FAM200A: variants seen among roughly 807,000 people sequenced by gnomAD.
FAM200A encodes ZBED8 like, also known as protein FAM200A.
FAM200A carries 26 observed loss-of-function variants against 44.2 expected under a neutral mutation model. The ratio of observed to expected loss-of-function variants is 0.59; its 90% CI spans 0.43 to 0.82. The LOEUF (loss-of-function observed/expected upper bound fraction) is 0.82, where lower values mean the gene tolerates loss of function less well. Among genes scored for constraint, FAM200A ranks in the 40% least tolerant of loss-of-function variants. The pLI is 0.00. For missense variants in FAM200A, 606 were observed against 669.5 expected (o/e 0.91, Z 1.05); for synonymous variants, 206 against 244.4 (o/e 0.84, Z 1.47).
upstream of FAM200A, among the ~76,000 whole-genome samples, chr7:99,552,582 T>A (rs773271612): frequency 3.9e-4 from 60 of 152,320 alleles, no homozygotes; most frequent in Admixed American, 7.8e-4. Flanking sequence ...ATTCTGAGTT[T>A]GCCTTATGTT....
chr7:99,552,396 G>C (rs965328411), upstream of FAM200A, among the ~76,000 whole-genome samples: 3 of 152,226 alleles, frequency 2.0e-5, no homozygotes, highest in African/African-American at 7.2e-5. Flanking sequence ...CTGTGGCAGA[G>C]GAGCTGAATG....
At chr7:99,556,790 C>T (rs138321468), upstream of FAM200A, among the ~76,000 whole-genome samples, 2,263 of 152,300 alleles carry the variant, frequency 0.015, 29 homozygotes, top group Non-Finnish European at 0.023. Flanking sequence ...AATCCCAGCA[C>T]TTTGGGAGGC....
chr7:99,557,882 C>T (rs1335466947), intron 1 of FAM200A, among the ~76,000 whole-genome samples: 2 of 152,200 alleles, frequency 1.3e-5, no homozygotes, highest in African/African-American at 4.8e-5. Context: ...CTTGCCTATG[C>T]CTTGCAGATC....
upstream of FAM200A, among the ~76,000 whole-genome samples, chr7:99,554,085 C>A (rs923698015): frequency 2.0e-5 from 3 of 152,222 alleles, no homozygotes; most frequent in Admixed American, 6.5e-5. Context: ...CTGATGCACT[C>A]AACCTGGTGG....
intron 1 of FAM200A, among the ~76,000 whole-genome samples, chr7:99,551,203 T>C (rs1306184338): frequency 1.3e-5 from 2 of 152,114 alleles, no homozygotes; most frequent in Non-Finnish European, 2.9e-5. Flanking sequence ...TCTCTTTTTT[T>C]GTTTTTGAGA....
Position 99,548,476 on chromosome 7 carries a change from C to G in FAM200A, c.-69G>C. The G allele has an allele frequency of 1.3e-6, 2 of 1,544,218 alleles. No homozygotes were observed. The highest frequency in any genetic ancestry group is 1.7e-6 in the Non-Finnish European group (2 of 1,149,132). The stretch of plus-strand genomic sequence containing the variant: ...TGTTTTGCAGGGCTGTCCTTTGTGA[C>G]CTAGGTTTTATGAGATCAGGTTTTG... On this transcript the variant is annotated 5_prime_UTR_variant, in exon 2 of 2. Transcript: ENST00000449309.
At chr7:99,556,941 C>T (rs1802697898), upstream of FAM200A, among the ~76,000 whole-genome samples, 2 of 152,162 alleles carry the variant, frequency 1.3e-5, no homozygotes. Context: ...GAGGCTGAGG[C>T]AGGGAAAATG....
upstream of FAM200A, among the ~76,000 whole-genome samples, chr7:99,555,336 T>TA (rs1802657104): frequency 6.6e-6 from 1 of 152,174 alleles, no homozygotes; most frequent in Admixed American, 6.5e-5. Context: ...GAGAGAGGCA[T>TA]GGACAGATTC....
intron 1 of FAM200A, among the ~76,000 whole-genome samples, chr7:99,557,425 C>T (rs1425865417): frequency 6.6e-6 from 1 of 152,110 alleles, no homozygotes; most frequent in Non-Finnish European, 1.5e-5. Flanking sequence ...ATTAAAATGG[C>T]CGTTATGAAG....
intron 1 of FAM200A, 108 bp downstream of exon 1, chr7:99,551,746 T>C (rs1584225870): frequency 2.2e-6 from 2 of 891,642 alleles, no homozygotes; most frequent in East Asian, 2.4e-4. Flanking sequence ...CCGCGCGTCT[T>C]TGGGGTAAAA....
At chr7:99,553,062 T>TATAC (rs1482745368), upstream of FAM200A, among the ~76,000 whole-genome samples, 1 of 100,338 alleles carries the variant, frequency 1.0e-5, no homozygotes, top group Non-Finnish European at 1.8e-5. Context: ...TATATATATA[T>TATAC]ACACACACAT....
At chr7:99,553,002 CACACATATATAT>C (rs1802573777), upstream of FAM200A, among the ~76,000 whole-genome samples, 2 of 142,290 alleles carry the variant, frequency 1.4e-5, no homozygotes, top group Non-Finnish European at 3.0e-5. Context: ...TATATATACA[CACACATATATAT>C]ACACATATAT....
intron 1 of FAM200A, among the ~76,000 whole-genome samples, chr7:99,549,698 A>T (rs1245923383): frequency 6.6e-6 from 1 of 152,222 alleles, no homozygotes; most frequent in Non-Finnish European, 1.5e-5. Context: ...GCACATATAC[A>T]CCATGGAATA....
In FAM200A at chr7:99,547,138, A is replaced by G. The variant is rs896548235; in HGVS notation, c.1270T>C (p.Leu424=). The G allele has an allele frequency of 5.2e-6, 8 of 1,546,160 alleles. No homozygotes were observed. The highest frequency in any genetic ancestry group is 2.4e-5 in the East Asian group (1 of 40,854). The part of the protein sequence containing the change: ...DCLKEIKLEI[L]LHLTSLSQTF... ...TGAGACAAAGAAGTGAGATGCAACA[A>G]TATCTCTAATTTTATTTCTTTTAAG... The change falls in exon 2 of 2, where the codon TTG becomes CTG. Residue 424 remains leucine (L), a synonymous_variant. Transcript: ENST00000449309.
chr7:99,552,307 C>T (rs763458943), upstream of FAM200A, among the ~76,000 whole-genome samples: 5 of 152,102 alleles, frequency 3.3e-5, no homozygotes, highest in African/African-American at 1.2e-4. Context: ...TTTATACCGC[C>T]CTGCTCAGAT....
At position 99,552,031 on chromosome 7, in the gene FAM200A, T is replaced by C; in HGVS notation, c.-277A>G. 2 of 985,556 alleles carry C rather than the reference T, an allele frequency of 2.0e-6. No homozygotes were observed. The highest frequency in any genetic ancestry group is 2.4e-6 in the Non-Finnish European group (2 of 830,044). The allele number at this position is 985,556 out of a possible 1,614,324, so 61.1% of individuals were successfully genotyped here. ...CCCGGAGAAGTCTGGGATGCTGGGATAGAAGGGGTTGTGACTTTGGGGACC... is the reference window on the plus strand; with the variant it reads ...CCCGGAGAAGTCTGGGATGCTGGGACAGAAGGGGTTGTGACTTTGGGGACC... On this transcript the variant is annotated 5_prime_UTR_variant, in exon 1 of 2. Transcript: ENST00000449309.
At chr7:99,552,531 A>C (rs554481098), upstream of FAM200A, among the ~76,000 whole-genome samples, 1 of 152,186 alleles carries the variant, frequency 6.6e-6, no homozygotes, top group Non-Finnish European at 1.5e-5. Flanking sequence ...TACTTGATCT[A>C]TAGGCAACAG....
upstream of FAM200A, among the ~76,000 whole-genome samples, chr7:99,552,299 T>C (rs552328501): frequency 6.6e-6 from 1 of 152,314 alleles, no homozygotes; most frequent in African/African-American, 2.4e-5. Flanking sequence ...AATTTCCCTT[T>C]ATACCGCCCT....
chr7:99,554,560 T>C (rs777881039), upstream of FAM200A, among the ~76,000 whole-genome samples: 4 of 151,276 alleles, frequency 2.6e-5, no homozygotes, highest in Non-Finnish European at 5.9e-5. Flanking sequence ...CCTGCTACCA[T>C]GGTCTCTGTT....
Sources: allele counts gnomAD v4.1 joint callset (sites outside exome capture counted in the v4.1 genomes callset), GRCh38; gene constraint gnomAD v4.1.1; transcripts MANE v1.5; gene names NCBI Gene and HGNC (gene_info 2026-07-23, HGNC 2026-07-21).